The following KCTD14 variants were observed in gnomAD, a reference collection of about 807,000 sequenced individuals.
KCTD14 encodes the protein BTB/POZ domain-containing protein KCTD14.
Under a neutral mutation model 5.9 loss-of-function variants are expected in KCTD14, and 7 were observed. The ratio of observed to expected loss-of-function variants is 1.19; its 90% CI spans 0.68 to 2.23. KCTD14 has a LOEUF of 2.23. Ranked by LOEUF, KCTD14 falls within the 30% of genes most tolerant of loss-of-function variation. KCTD14 has a pLI of 0.00. For missense variants in KCTD14, 342 were observed against 332.2 expected, an observed-to-expected ratio of 1.03 and a Z score of -0.23; for synonymous variants, 140 against 133.1, an observed-to-expected ratio of 1.05 and a Z score of -0.36.
upstream of KCTD14, among the ~76,000 whole-genome samples, chr11:78,024,122 C>T (rs1289049368): frequency 6.6e-6 from 1 of 152,058 alleles, no homozygotes; most frequent in African/African-American, 2.4e-5. Flanking sequence ...TGGTGGCTCA[C>T]GCCTGTAATC....
chr11:78,034,927 C>G (rs143616089), intron 2 of KCTD14, among the ~76,000 whole-genome samples: 121 of 152,198 alleles, frequency 8.0e-4, no homozygotes, highest in African/African-American at 2.8e-3. Context: ...TACTCTCTAC[C>G]GCCACCATCT....
In KCTD14 at chr11:78,017,328, A is replaced by G. The variant is rs1857196388; in HGVS notation, c.91-58T>C. The G allele has an allele frequency of 6.0e-6, 9 of 1,505,970 alleles. No homozygotes were observed. In the South Asian group the frequency reaches 9.6e-5, roughly 16 times the overall value. 93.3% of individuals were successfully genotyped at this position (1,505,970 alleles called of 1,614,324 possible). On this transcript the variant is annotated intron_variant, in intron 1 of 1. Transcript: ENST00000353172. Reference sequence around the variant, plus strand: ...GCCATCTCCCCTGAGCGCATTACTTATTTTTATCCAAAGGATAACTGGATA... The same window carrying G: ...GCCATCTCCCCTGAGCGCATTACTTGTTTTTATCCAAAGGATAACTGGATA...
upstream of KCTD14, chr11:78,023,582 G>A (rs1857366103): frequency 3.8e-6 from 1 of 262,268 alleles, no homozygotes; most frequent in Non-Finnish European, 7.3e-6. Context: ...TGGCGGATCA[G>A]GCTCACTGCA....
intron 2 of KCTD14, among the ~76,000 whole-genome samples, chr11:78,032,450 C>T (rs1857651571): frequency 1.3e-5 from 2 of 152,222 alleles, no homozygotes; most frequent in African/African-American, 4.8e-5. Flanking sequence ...CAGGCATTAT[C>T]TCATTTAATC....
intron 1 of KCTD14, among the ~76,000 whole-genome samples, chr11:78,022,386 A>G (rs1857331564): frequency 6.6e-6 from 1 of 152,090 alleles, no homozygotes. Context: ...AGTGCCTTAC[A>G]CTTCCCCAGT....
intron 1 of KCTD14, 111 bp downstream of exon 1, chr11:78,023,048 AG>A (rs1241527263): frequency 2.3e-5 from 16 of 707,330 alleles, no homozygotes; most frequent in Non-Finnish European, 3.1e-5. Context: ...CGCCAGAAGC[AG>A]GGGGCTCGGG....
chr11:78,033,901 G>GTATATATATATATATA (rs1555054302), intron 2 of KCTD14, among the ~76,000 whole-genome samples: 6 of 115,550 alleles, frequency 5.2e-5, no homozygotes, highest in East Asian at 2.6e-4. Flanking sequence ...GTGTGTGTGT[G>GTATATATATATATATA]TATATATATA....
exon 2 of KCTD14, chr11:78,038,757 C>A: frequency 6.5e-7 from 1 of 1,535,696 alleles, no homozygotes; most frequent in South Asian, 1.2e-5. Context: ...CAATGTCACC[C>A]CCTGAAACAG....
intron 1 of KCTD14, among the ~76,000 whole-genome samples, chr11:78,039,370 AT>A (rs113354563): frequency 0.23 from 34,582 of 149,628 alleles, 4,909 homozygotes; most frequent in African/African-American, 0.4. Flanking sequence ...TACAAAAAAA[AT>A]AAATAAAATT....
At chr11:78,037,833 T>TA (rs1250924838) in intron 2 of KCTD14, among the ~76,000 whole-genome samples, 3 of 151,284 alleles carry the variant, frequency 2.0e-5, no homozygotes, top group East Asian at 1.9e-4. Context: ...AATAAATAAA[T>TA]AAAAAAAATC....
intron 1 of KCTD14, chr11:78,022,923 G>T: frequency 1.9e-6 from 1 of 533,072 alleles, no homozygotes; most frequent in Non-Finnish European, 3.3e-6. Flanking sequence ...AAAGAGGAAA[G>T]GCTGGACAGA....
chr11:78,043,312 A>G (rs1364552123), intron 1 of KCTD14, among the ~76,000 whole-genome samples: 1 of 152,214 alleles, frequency 6.6e-6, no homozygotes, highest in Non-Finnish European at 1.5e-5. Flanking sequence ...ATTCATTAGA[A>G]TGGTTAGATA....
intron 1 of KCTD14, among the ~76,000 whole-genome samples, chr11:78,021,961 C>CA (rs1163750465): frequency 6.6e-6 from 1 of 152,210 alleles, no homozygotes; most frequent in African/African-American, 2.4e-5. Context: ...TGGCCATCCG[C>CA]ACTCCTTTCT....
chr11:78,044,314 C>T (rs1185638132), intron 1 of KCTD14, among the ~76,000 whole-genome samples: 2 of 152,100 alleles, frequency 1.3e-5, no homozygotes, highest in African/African-American at 4.8e-5. Flanking sequence ...GCTGCACTGC[C>T]AGCTGTGTGC....
At chr11:78,025,870 A>G (rs1194989194), upstream of KCTD14, among the ~76,000 whole-genome samples, 1 of 152,142 alleles carries the variant, frequency 6.6e-6, no homozygotes, top group East Asian at 1.9e-4. Context: ...CGAGTACAAT[A>G]TGGGAAGGAG....
At chr11:78,046,150 G>C in exon 1 of KCTD14, 2 of 985,132 alleles carry the variant, frequency 2.0e-6, no homozygotes, top group South Asian at 9.4e-5. Context: ...CACAGAATCA[G>C]TTCGCAAGGG....
At chr11:78,032,012 A>C (rs1460308993) in intron 2 of KCTD14, among the ~76,000 whole-genome samples, 1 of 152,184 alleles carries the variant, frequency 6.6e-6, no homozygotes, top group Non-Finnish European at 1.5e-5. Flanking sequence ...CACTCCACCC[A>C]GGGAATTCTT....
chr11:78,043,560 G>A (rs2136765304), intron 1 of KCTD14, among the ~76,000 whole-genome samples: 1 of 152,310 alleles, frequency 6.6e-6, no homozygotes, highest in South Asian at 2.1e-4. Context: ...AATGCCAACA[G>A]AATCCTTCGT....
chr11:78,016,450 G>A lies in KCTD14; in HGVS notation c.*143C>T, dbSNP rs1857165841. Reference sequence around the variant, plus strand: ...GCAATGGAGTGGAAAGTCCTTAAACGAGTGATCAATATTTAGTGGCAAGAC... The same window carrying A: ...GCAATGGAGTGGAAAGTCCTTAAACAAGTGATCAATATTTAGTGGCAAGAC... On this transcript the variant is annotated 3_prime_UTR_variant, in exon 2 of 2. Transcript: ENST00000353172. 2.9e-6 allele frequency: 2 copies of A among 685,074 alleles called. No individual in the cohort carries two copies. The highest frequency in any genetic ancestry group is 2.7e-5 in the East Asian group (1 of 36,792). The allele number at this position is 685,074 out of a possible 1,614,324, so 42.4% of individuals were successfully genotyped here.
Sources: gnomAD v4.1 joint callset for allele counts (sites outside exome capture counted in the v4.1 genomes callset) on GRCh38, gnomAD v4.1.1 for gene constraint, MANE v1.5 for transcripts, NCBI Gene and HGNC (gene_info 2026-07-23, HGNC 2026-07-21) for gene names.